PDE1C: variants seen among roughly 807,000 people sequenced by gnomAD.
PDE1C encodes the protein phosphodiesterase 1C.
In PDE1C, 62 loss-of-function variants were observed where a neutral mutation model predicts 93.1. The ratio of observed to expected loss-of-function variants is 0.67; its 90% CI spans 0.54 to 0.82. The LOEUF (loss-of-function observed/expected upper bound fraction) is 0.82, where lower values mean the gene tolerates loss of function less well. Among genes scored for constraint, PDE1C ranks in the 40% least tolerant of loss-of-function variants. The pLI, the probability that PDE1C is intolerant of heterozygous loss-of-function variation, is 0.00. For missense variants in PDE1C, 742 were observed against 884.6 expected, an observed-to-expected ratio of 0.84 and a Z score of 2.04; for synonymous variants, 325 against 310.1, an observed-to-expected ratio of 1.05 and a Z score of -0.50.
chr7:31,859,556 A>G (rs1232102234), intron 7 of PDE1C, among the ~76,000 whole-genome samples: 1 of 151,784 alleles, frequency 6.6e-6, no homozygotes, highest in East Asian at 1.9e-4. Context: ...AGCTCACTTT[A>G]CCTAAGTAAT....
intron 2 of PDE1C, among the ~76,000 whole-genome samples, chr7:31,986,620 C>A (rs1288417805): frequency 6.6e-6 from 1 of 151,900 alleles, no homozygotes; most frequent in Admixed American, 6.6e-5. Context: ...AGAGAGAAGG[C>A]CATGTGAAGC....
intron 16 of PDE1C, among the ~76,000 whole-genome samples, chr7:31,796,053 A>G (rs567754855): frequency 2.6e-5 from 4 of 150,944 alleles, no homozygotes; most frequent in Non-Finnish European, 5.9e-5. Flanking sequence ...TCTCTCCTCC[A>G]CTTATTGACT....
At chr7:31,923,124 G>T (rs574331246) in intron 2 of PDE1C, among the ~76,000 whole-genome samples, 2 of 152,144 alleles carry the variant, frequency 1.3e-5, no homozygotes, top group Admixed American at 6.5e-5. Flanking sequence ...CTGCAGGGAG[G>T]CCTCTAACCA....
intron 1 of PDE1C, among the ~76,000 whole-genome samples, chr7:32,380,822 A>G (rs1784519479): frequency 6.6e-6 from 1 of 151,856 alleles, no homozygotes; most frequent in Non-Finnish European, 1.5e-5. Flanking sequence ...CTGACCTCTA[A>G]CACAGGGGTG....
intron 17 of PDE1C, among the ~76,000 whole-genome samples, chr7:31,762,639 C>T (rs1748854659): frequency 6.6e-6 from 1 of 152,146 alleles, no homozygotes; most frequent in African/African-American, 2.4e-5. Flanking sequence ...CAAGCCTGTC[C>T]CCATTACCTA....
At chr7:31,720,889 T>C in the PDE1C span, among the ~76,000 whole-genome samples, 5 of 152,226 alleles carry the variant, frequency 3.3e-5, no homozygotes, top group Non-Finnish European at 7.3e-5. Context: ...AATCAGTGCC[T>C]TGTTTTACCA....
At chr7:32,235,485 A>C (rs955329283) in intron 1 of PDE1C, among the ~76,000 whole-genome samples, 2 of 152,064 alleles carry the variant, frequency 1.3e-5, no homozygotes, top group Non-Finnish European at 2.9e-5. Flanking sequence ...TAACACACAC[A>C]CAAAAATAAT....
chr7:31,997,841 T>C (rs1433198748), intron 2 of PDE1C, among the ~76,000 whole-genome samples: 3 of 152,194 alleles, frequency 2.0e-5, no homozygotes, highest in Non-Finnish European at 4.4e-5. Flanking sequence ...CTCAAATGCT[T>C]AGACAACGAT....
At chr7:32,247,700 C>T (rs1191396460) in intron 1 of PDE1C, among the ~76,000 whole-genome samples, 1 of 152,198 alleles carries the variant, frequency 6.6e-6, no homozygotes, top group Admixed American at 6.5e-5. Context: ...ATACTCAACA[C>T]TGTTTTATAA....
intron 3 of PDE1C, among the ~76,000 whole-genome samples, chr7:32,089,477 C>A (rs983230173): frequency 1.3e-5 from 2 of 152,144 alleles, no homozygotes; most frequent in African/African-American, 4.8e-5. Flanking sequence ...CAATTACCAA[C>A]CACGTCAAGC....
At chr7:32,350,307 T>A in intron 1 of PDE1C, among the ~76,000 whole-genome samples, 1 of 152,172 alleles carries the variant, frequency 6.6e-6, no homozygotes, top group East Asian at 1.9e-4. Flanking sequence ...AGACATCACG[T>A]CATTTCATCT....
At chr7:32,091,116 C>T (rs1051067637) in intron 3 of PDE1C, among the ~76,000 whole-genome samples, 3 of 152,210 alleles carry the variant, frequency 2.0e-5, no homozygotes, top group Non-Finnish European at 4.4e-5. Flanking sequence ...CAATGCCTTT[C>T]ATAGCAGTAG....
intron 3 of PDE1C, among the ~76,000 whole-genome samples, chr7:32,086,769 T>G (rs986712663): frequency 1.6e-4 from 24 of 152,204 alleles, no homozygotes; most frequent in African/African-American, 5.5e-4. Context: ...ATTCCCGATT[T>G]AATAAATGGT....
At chr7:31,754,092 T>C (rs1794292364) in intron 17 of PDE1C, among the ~76,000 whole-genome samples, 1 of 152,154 alleles carries the variant, frequency 6.6e-6, no homozygotes, top group Admixed American at 6.6e-5. Flanking sequence ...GGGCAAAACA[T>C]CTGAACAGAC....
At chr7:31,855,005 T>G (rs1195536119) in intron 7 of PDE1C, among the ~76,000 whole-genome samples, 1 of 148,182 alleles carries the variant, frequency 6.7e-6, no homozygotes, top group Non-Finnish European at 1.5e-5. Flanking sequence ...AGGCGGAGGT[T>G]GCAGTGAGCT....
chr7:32,005,874 C>A (rs1037952083), intron 2 of PDE1C, among the ~76,000 whole-genome samples: 2 of 152,096 alleles, frequency 1.3e-5, no homozygotes, highest in Admixed American at 1.3e-4. Context: ...GCATTTGCTA[C>A]CTTTTTTTTC....
chr7:31,658,454 G>A, the PDE1C span: 9 of 1,375,340 alleles, frequency 6.5e-6, no homozygotes, highest in Non-Finnish European at 8.5e-6. Context: ...GAACAAAATA[G>A]AACATTTGTA....
chr7:31,926,731 G>C (rs111298758), intron 2 of PDE1C, among the ~76,000 whole-genome samples: 1 of 152,178 alleles, frequency 6.6e-6, no homozygotes, highest in African/African-American at 2.4e-5. Context: ...GCTAGGGACT[G>C]TGCTGTGAGG....
intron 2 of PDE1C, among the ~76,000 whole-genome samples, chr7:31,917,104 C>A (rs536250204): frequency 6.6e-6 from 1 of 152,182 alleles, no homozygotes; most frequent in East Asian, 1.9e-4. Flanking sequence ...AAAGGTATAC[C>A]TCCTATCCAG....
Sources: allele counts gnomAD v4.1 joint callset (sites outside exome capture counted in the v4.1 genomes callset), GRCh38; gene constraint gnomAD v4.1.1; transcripts MANE v1.5; gene names NCBI Gene and HGNC (gene_info 2026-07-23, HGNC 2026-07-21).